Variants in MIER1 observed in about 807,000 individuals in gnomAD.
MIER1 encodes mesoderm induction early response protein 1.
Under a neutral mutation model 75.7 loss-of-function variants are expected in MIER1, and 40 were observed. That is an observed-to-expected ratio of 0.53 (90% confidence interval 0.41 to 0.69). The LOEUF (loss-of-function observed/expected upper bound fraction) is 0.69. MIER1 is among the 30% of genes least tolerant of loss of function. The pLI, the probability that MIER1 is intolerant of heterozygous loss-of-function variation, is 0.00. For synonymous variants in MIER1, 213 were observed against 223.4 expected (o/e 0.95, Z 0.42); for missense variants, 574 against 680.2 (o/e 0.84, Z 1.74).
At chr1:66,941,152 C>A (rs1656110266) in intron 3 of MIER1, among the ~76,000 whole-genome samples, 1 of 152,154 alleles carries the variant, frequency 6.6e-6, no homozygotes. Context: ...AATCACTGGA[C>A]TCTGAGGGTT....
chr1:66,938,730 A>G (rs772212246), intron 2 of MIER1, among the ~76,000 whole-genome samples: 1 of 152,188 alleles, frequency 6.6e-6, no homozygotes, highest in Non-Finnish European at 1.5e-5. Context: ...TAACTTTAAA[A>G]TAATGGTAGT....
chr1:66,957,061 T>G (rs1570341373), intron 4 of MIER1, among the ~76,000 whole-genome samples: 1 of 152,234 alleles, frequency 6.6e-6, no homozygotes, highest in Non-Finnish European at 1.5e-5. Context: ...GTTTTCTGAC[T>G]GTTTTGCTTC....
chr1:66,939,894 A>G (rs1427468017), intron 2 of MIER1, 134 bp from the exon 3 acceptor site: 2 of 640,784 alleles, frequency 3.1e-6, no homozygotes, highest in African/African-American at 1.9e-5. Flanking sequence ...AAATGCAGAC[A>G]TTAAAACTAA....
Position 66,970,849 on chromosome 1 carries a change from T to C in MIER1, c.814T>C (p.Leu272=). The change falls in exon 9 of 14, where the codon TTA becomes CTA. Residue 272 remains leucine (L), a synonymous_variant. Transcript: ENST00000401041. ...DDQLLWDPEY[L]PEDKVIIFLK... is the part of the protein sequence containing the mutation. ...TCAGCTCCTGTGGGACCCTGAGTAC[T>C]TACCAGAAGATAAAGTGATTATATT... 6.3e-7 allele frequency: 1 copy of C among 1,592,696 alleles called. No individual in the cohort carries two copies. Among genetic ancestry groups the C allele is most frequent in the Non-Finnish European group, 8.5e-7 (1 of 1,173,074 alleles).
intron 13 of MIER1, 78 bp from the exon 14 acceptor site, chr1:66,984,494 A>G (rs1558127700): frequency 8.7e-6 from 9 of 1,028,608 alleles, no homozygotes; most frequent in Non-Finnish European, 1.1e-5. Context: ...GATAACAATA[A>G]CTACAAGCTG....
intron 8 of MIER1, among the ~76,000 whole-genome samples, chr1:66,968,009 T>G (rs1238499504): frequency 6.6e-6 from 1 of 152,210 alleles, no homozygotes; most frequent in Non-Finnish European, 1.5e-5. Flanking sequence ...CTAATTGTTC[T>G]GATTTTTTCA....
At chr1:66,946,473 T>C (rs1210775748) in intron 4 of MIER1, 178 bp downstream of exon 4, 1 of 1,333,018 alleles carries the variant, frequency 7.5e-7, no homozygotes, top group East Asian at 3.0e-5. Context: ...TTAAAAACAA[T>C]AACTTTATTA....
At chr1:66,947,053 C>G (rs938661289) in intron 4 of MIER1, 1 of 953,902 alleles carries the variant, frequency 1.0e-6, no homozygotes, top group East Asian at 1.2e-4. Flanking sequence ...GGGTCAGTTG[C>G]ATCAGAATCA....
chr1:66,927,994 A>G (rs1201663444), intron 2 of MIER1, among the ~76,000 whole-genome samples: 1 of 152,228 alleles, frequency 6.6e-6, no homozygotes, highest in South Asian at 2.1e-4. Flanking sequence ...AGTTAGGTGT[A>G]TCACTAAAAT....
At chr1:66,982,702 CTGTG>C (rs1204959904) in intron 13 of MIER1, among the ~76,000 whole-genome samples, 1 of 152,214 alleles carries the variant, frequency 6.6e-6, no homozygotes. Context: ...AAGAGAAACA[CTGTG>C]AAAGCCTTGA....
rs1397714923 is a variant in MIER1, at chr1:66,988,036, C to G, written c.*3136C>G. 6.6e-6 allele frequency: 1 copy of G among 152,232 alleles called. No homozygotes were observed. The highest frequency in any genetic ancestry group is 1.5e-5 in the Non-Finnish European group (1 of 67,986). The allele number at this position is 152,232 out of a possible 1,614,324, so 9.4% of individuals were successfully genotyped here. On this transcript the variant is annotated 3_prime_UTR_variant, in exon 14 of 14. Coordinates refer to ENST00000401041, the MANE Select transcript of MIER1 (RefSeq NM_001077700.3). ...AAAACTTGTTTTGTCACAATATTTT[C>G]TTTGCTATCGATGGATAATTAGGAG... is the stretch of plus-strand genomic sequence containing the variant.
chr1:66,945,267 GTATATATATATATA>G lies in MIER1; in HGVS notation c.194-846_194-833del, dbSNP rs66525570. Among the ~76,000 whole-genome samples the G allele has an allele frequency of 7.3e-3, 1,037 of 141,780 alleles. 11 individuals carry two copies. The highest frequency in any genetic ancestry group is 0.012 in the Non-Finnish European group (741 of 64,420). The allele number at this position is 141,780 out of a possible 152,430, so 93.0% of individuals were successfully genotyped here. A position where few individuals can be genotyped will look rare whatever the true frequency, so the allele number is the denominator to read the frequency against. ...ATATGCTTTAAATAATCTGGTGTGT[GTATATATATATATA>G]TATATATATATATATATATATATAT... On this transcript the variant is annotated intron_variant, in intron 3 of 13. Coordinates refer to ENST00000401041, the MANE Select transcript of MIER1 (RefSeq NM_001077700.3).
Position 66,985,928 on chromosome 1 carries a change from A to G in MIER1, c.*1028A>G. On this transcript the variant is annotated 3_prime_UTR_variant, in exon 14 of 14. Coordinates refer to ENST00000401041, the MANE Select transcript of MIER1 (RefSeq NM_001077700.3). ...TTGTTTTGCATTTGCTATAATTTTC[A>G]AAATTATTTTTGAAGCAAGACAAAA... The G allele has an allele frequency of 1.0e-6, 1 of 983,956 alleles. No homozygotes were observed. The allele number at this position is 983,956 out of a possible 1,614,324, so 61.0% of individuals were successfully genotyped here.
At chr1:66,950,466 A>T (rs1032007694) in intron 4 of MIER1, among the ~76,000 whole-genome samples, 45 of 152,148 alleles carry the variant, frequency 3.0e-4, no homozygotes, top group African/African-American at 1.1e-3. Flanking sequence ...CTGTTTTCCA[A>T]ATGAACTCTT....
intron 8 of MIER1, 99 bp downstream of exon 8, chr1:66,963,259 AGTAACCCCATT>A (rs1310157135): frequency 2.4e-5 from 18 of 743,658 alleles, no homozygotes; most frequent in African/African-American, 1.2e-4. Flanking sequence ...CAGCCTACTA[AGTAACCCCATT>A]GTAACCCCAT....
At chr1:66,963,994 C>T (rs965533390) in intron 8 of MIER1, among the ~76,000 whole-genome samples, 34 of 151,146 alleles carry the variant, frequency 2.2e-4, no homozygotes, top group African/African-American at 6.3e-4. Flanking sequence ...TTAAATTTTA[C>T]ATGTTTTTTT....
rs185416816 is a variant in MIER1 at position 66,988,595 on chromosome 1, G to A, written c.*3695G>A. The A allele has an allele frequency of 1.2e-3, 178 of 152,188 alleles. No individual in the cohort carries two copies. The highest frequency in any genetic ancestry group is 3.9e-3 in the African/African-American group (164 of 41,544). The allele number at this position is 152,188 out of a possible 1,614,324, so 9.4% of individuals were successfully genotyped here. On this transcript the variant is annotated 3_prime_UTR_variant, in exon 14 of 14. Coordinates refer to ENST00000401041, the MANE Select transcript of MIER1 (RefSeq NM_001077700.3). ...TATAAAGAATTATAGAATGTATAAT[G>A]TAATTAAAATGTCATTTTGCTTGCT...
At chr1:66,950,231 C>T (rs187226632) in intron 4 of MIER1, among the ~76,000 whole-genome samples, 1 of 152,250 alleles carries the variant, frequency 6.6e-6, no homozygotes, top group Non-Finnish European at 1.5e-5. Flanking sequence ...GCCTCAGCCT[C>T]TTGAGTAGCT....
rs537964285 is a variant in MIER1 at position 66,946,647 on chromosome 1, A to G, written c.339+352A>G. ...ATATCTTTTACTTATTCTCCTTCAG[A>G]GCCAAAAATTCTTGAAGTATCATTT... is the stretch of plus-strand genomic sequence containing the variant. On this transcript the variant is annotated intron_variant, in intron 4 of 13. Transcript: ENST00000401041. The G allele has an allele frequency of 1.6e-4, 155 of 996,856 alleles. No homozygotes were observed. The South Asian group carries it at 6.2e-3, about 40-fold the overall frequency. 61.8% of individuals were successfully genotyped at this position (996,856 alleles called of 1,614,324 possible). A position where few individuals can be genotyped will look rare whatever the true frequency, so the allele number is the denominator to read the frequency against.
Sources: gnomAD v4.1 joint callset for allele counts (sites outside exome capture counted in the v4.1 genomes callset) on GRCh38, gnomAD v4.1.1 for gene constraint, MANE v1.5 for transcripts, NCBI Gene and HGNC (gene_info 2026-07-23, HGNC 2026-07-21) for gene names.